Variants in SGCZ observed in about 807,000 individuals in gnomAD.
SGCZ encodes zeta-sarcoglycan.
In SGCZ, 40 loss-of-function variants were observed where a neutral mutation model predicts 41.3. That is an observed-to-expected ratio of 0.97 (90% CI 0.75 to 1.26). The LOEUF is 1.26. Ranked by LOEUF, SGCZ falls within the 50% of genes most tolerant of loss-of-function variation. SGCZ has a pLI of 0.00. For synonymous variants in SGCZ, 206 were observed against 137.5 expected (o/e 1.50, Z -3.49); for missense variants, 552 against 369.8 (o/e 1.49, Z -4.04).
chr8:14,442,262 T>C (rs963840395), intron 2 of SGCZ, among the ~76,000 whole-genome samples: 1 of 152,186 alleles, frequency 6.6e-6, no homozygotes, highest in African/African-American at 2.4e-5. Context: ...TTGCCCGTGA[T>C]ATTCTCGTGA....
At chr8:14,638,721 T>C (rs1806918401) in intron 1 of SGCZ, among the ~76,000 whole-genome samples, 2 of 151,766 alleles carry the variant, frequency 1.3e-5, no homozygotes, top group Admixed American at 6.6e-5. Context: ...CCTCCACCCA[T>C]TGTAGAGAAG....
At chr8:14,205,068 T>G (rs937728088) in intron 4 of SGCZ, among the ~76,000 whole-genome samples, 2 of 152,230 alleles carry the variant, frequency 1.3e-5, no homozygotes, top group African/African-American at 4.8e-5. Flanking sequence ...TCTATACTAT[T>G]GGTTTTCTCT....
intron 2 of SGCZ, among the ~76,000 whole-genome samples, chr8:14,410,875 G>A (rs1799341139): frequency 6.6e-6 from 1 of 152,086 alleles, no homozygotes; most frequent in Non-Finnish European, 1.5e-5. Context: ...ACTGCTATCT[G>A]AGGGAAAAGT....
At position 14,090,657 on chromosome 8, in the gene SGCZ, G is replaced by A. The variant is rs1001398085; in HGVS notation, c.745-20C>T. On this transcript the variant is annotated intron_variant, in intron 7 of 7. Coordinates refer to ENST00000382080, the MANE Select transcript of SGCZ (RefSeq NM_139167.4). The stretch of plus-strand genomic sequence containing the variant: ...AAATATCTATGGGAAAAAAGAAATT[G>A]CATTTTAATTCATTTTAGAAATGTA... 6.2e-7 allele frequency: 1 copy of A among 1,601,148 alleles called. No individual in the cohort carries two copies. The highest frequency in any genetic ancestry group is 8.5e-7 in the Non-Finnish European group (1 of 1,173,852).
chr8:15,132,911 T>A (rs1695740113), intron 1 of SGCZ, among the ~76,000 whole-genome samples: 1 of 152,034 alleles, frequency 6.6e-6, no homozygotes, highest in Non-Finnish European at 1.5e-5. Flanking sequence ...AAATCCAAGG[T>A]GGGTGGACTG....
chr8:14,702,916 G>C (rs999676543), intron 1 of SGCZ, among the ~76,000 whole-genome samples: 24 of 140,902 alleles, frequency 1.7e-4, no homozygotes, highest in Non-Finnish European at 3.7e-4. Context: ...CAGGTAGGTA[G>C]TTAGGTAGGT....
intron 1 of SGCZ, among the ~76,000 whole-genome samples, chr8:14,753,365 A>G (rs941576532): frequency 1.3e-5 from 2 of 152,212 alleles, no homozygotes; most frequent in African/African-American, 4.8e-5. Flanking sequence ...ACACTTTTAA[A>G]CAAATATCTC....
At chr8:14,420,341 T>A (rs1799605605) in intron 2 of SGCZ, among the ~76,000 whole-genome samples, 1 of 152,090 alleles carries the variant, frequency 6.6e-6, no homozygotes, top group Admixed American at 6.6e-5. Flanking sequence ...CATCACTAAT[T>A]ATTGCTATTC....
Position 14,395,426 on chromosome 8 carries a change from C to A in SGCZ, c.235-71222G>T, listed in dbSNP as rs531952512. ...TTAACAGGAAGGATTTAAAAAGAGA[C>A]TATTGCAAAGACAGGACACTTTACA... On this transcript the variant is annotated intron_variant, in intron 2 of 7. Transcript: ENST00000382080. Among the ~76,000 whole-genome samples the A allele has an allele frequency of 7.2e-5, 11 of 152,172 alleles. No individual in the cohort carries two copies. In the East Asian group the frequency reaches 2.1e-3, roughly 30 times the overall value.
intron 2 of SGCZ, among the ~76,000 whole-genome samples, chr8:14,344,900 A>G (rs1802841749): frequency 6.6e-6 from 1 of 152,096 alleles, no homozygotes; most frequent in Admixed American, 6.5e-5. Flanking sequence ...TCTACATTGC[A>G]GAGGGTTTCT....
intron 2 of SGCZ, among the ~76,000 whole-genome samples, chr8:14,514,174 A>C (rs1802545484): frequency 1.3e-5 from 2 of 152,114 alleles, no homozygotes; most frequent in Admixed American, 6.6e-5. Context: ...CCAAACAGAA[A>C]ACATTATAAT....
chr8:14,323,645 C>T (rs888035834), intron 3 of SGCZ, among the ~76,000 whole-genome samples: 1 of 152,060 alleles, frequency 6.6e-6, no homozygotes, highest in Admixed American at 6.6e-5. Flanking sequence ...TTTTACATCA[C>T]GTACATCCAG....
intron 3 of SGCZ, among the ~76,000 whole-genome samples, chr8:14,255,732 T>C (rs1473039172): frequency 6.6e-6 from 1 of 152,146 alleles, no homozygotes; most frequent in Non-Finnish European, 1.5e-5. Flanking sequence ...ATTAGATATA[T>C]GCTACCTTTG....
At chr8:14,242,494 T>C (rs887970747) in intron 3 of SGCZ, among the ~76,000 whole-genome samples, 4 of 152,168 alleles carry the variant, frequency 2.6e-5, no homozygotes, top group South Asian at 2.1e-4. Flanking sequence ...TTCTGCATCA[T>C]AGTCTCTTCA....
At chr8:14,533,507 C>T (rs1803201647) in intron 2 of SGCZ, among the ~76,000 whole-genome samples, 1 of 151,760 alleles carries the variant, frequency 6.6e-6, no homozygotes, top group African/African-American at 2.4e-5. Flanking sequence ...TTACATTATC[C>T]TATGATAGCA....
chr8:14,574,027 G>T (rs1264374969), intron 1 of SGCZ, among the ~76,000 whole-genome samples: 1 of 152,052 alleles, frequency 6.6e-6, no homozygotes, highest in Non-Finnish European at 1.5e-5. Context: ...GGGAGCTATG[G>T]GTCCCATAGC....
At chr8:15,129,209 G>T (rs2034758) in intron 1 of SGCZ, among the ~76,000 whole-genome samples, 100,205 of 151,500 alleles carry the variant, frequency 0.66, 35,070 homozygotes, top group Non-Finnish European at 0.78. Context: ...TCGTATTGCC[G>T]GGAGTAGTTT....
Position 15,027,887 on chromosome 8 carries a change from G to C in SGCZ, c.39+209698C>G, listed in dbSNP as rs576361523. On this transcript the variant is annotated intron_variant, in intron 1 of 7. Coordinates refer to ENST00000382080, the MANE Select transcript of SGCZ (RefSeq NM_139167.4). The stretch of plus-strand genomic sequence containing the variant: ...TCCTCTGTGTCTGAGACTGTCCTAA[G>C]CATGTAATATCTATTAGCATATTTA... Among the ~76,000 whole-genome samples, 5 of 152,126 alleles carry C rather than the reference G, an allele frequency of 3.3e-5. No homozygotes were observed. The East Asian group carries it at 9.6e-4, about 29-fold the overall frequency.
chr8:14,224,296 G>A (rs1259697619), intron 4 of SGCZ, among the ~76,000 whole-genome samples: 1 of 151,698 alleles, frequency 6.6e-6, no homozygotes, highest in Non-Finnish European at 1.5e-5. Flanking sequence ...ACCAAGGGTA[G>A]AAAAGAACCA....
Sources: allele counts gnomAD v4.1 joint callset (sites outside exome capture counted in the v4.1 genomes callset), GRCh38; gene constraint gnomAD v4.1.1; transcripts MANE v1.5; gene names NCBI Gene and HGNC (gene_info 2026-07-23, HGNC 2026-07-21).